The following CLVS1 variants were observed in gnomAD, a reference collection of about 807,000 sequenced individuals.
The protein encoded by CLVS1 is clavesin 1.
Under a neutral mutation model 33.1 loss-of-function variants are expected in CLVS1, and 10 were observed. The ratio of observed to expected loss-of-function variants is 0.30; its 90% CI spans 0.19 to 0.51. The LOEUF is 0.51. Among genes scored for constraint, CLVS1 ranks in the 20% least tolerant of loss-of-function variants. The pLI is 0.97. For missense variants in CLVS1, 343 were observed against 433.4 expected, an observed-to-expected ratio of 0.79 and a Z score of 1.85; for synonymous variants, 163 against 166.1, an observed-to-expected ratio of 0.98 and a Z score of 0.14.
intron 3 of CLVS1, among the ~76,000 whole-genome samples, chr8:61,424,291 T>C (rs1217120703): frequency 6.6e-6 from 1 of 152,202 alleles, no homozygotes; most frequent in African/African-American, 2.4e-5. Flanking sequence ...CTGAGGGTTG[T>C]GAGAAAAGCA....
chr8:61,116,422 G>A (rs56860120), intron 1 of CLVS1, among the ~76,000 whole-genome samples: 3,021 of 152,196 alleles, frequency 0.02, 95 homozygotes, highest in African/African-American at 0.064. Context: ...TGCTTTTGGC[G>A]TTTTAGACAG....
intron 2 of CLVS1, among the ~76,000 whole-genome samples, chr8:61,337,594 G>C (rs757728839): frequency 1.3e-5 from 2 of 152,102 alleles, no homozygotes; most frequent in Non-Finnish European, 1.5e-5. Context: ...CTGCCTTCCA[G>C]ATCGGCCCCA....
chr8:60,980,487 C>T, the CLVS1 span, among the ~76,000 whole-genome samples: 1 of 152,156 alleles, frequency 6.6e-6, no homozygotes, highest in Non-Finnish European at 1.5e-5. Flanking sequence ...ATAAATGTTA[C>T]TTTATTTGGA....
At chr8:61,338,447 G>A (rs1563503204) in intron 2 of CLVS1, among the ~76,000 whole-genome samples, 2 of 152,132 alleles carry the variant, frequency 1.3e-5, no homozygotes, top group Admixed American at 6.5e-5. Context: ...TTCTGACTCC[G>A]TAGGCACAGG....
chr8:61,185,828 C>T (rs537317151), intron 2 of CLVS1, among the ~76,000 whole-genome samples: 1 of 152,234 alleles, frequency 6.6e-6, no homozygotes, highest in South Asian at 2.1e-4. Context: ...AATAAAAACA[C>T]CTAGCTTCCA....
intron 2 of CLVS1, among the ~76,000 whole-genome samples, chr8:61,301,988 CG>C (rs1247150958): frequency 2.0e-5 from 3 of 152,172 alleles, no homozygotes; most frequent in African/African-American, 7.2e-5. Flanking sequence ...TTATGTTTCA[CG>C]GGGAGACATG....
the CLVS1 span, among the ~76,000 whole-genome samples, chr8:61,000,392 A>C: frequency 1.3e-5 from 2 of 152,186 alleles, no homozygotes; most frequent in Admixed American, 1.3e-4. Context: ...TGAGAGGCAA[A>C]GGACAGCTAA....
At chr8:61,450,943 ACTTTCGGAGCCAG>A (rs1816928567) in intron 3 of CLVS1, among the ~76,000 whole-genome samples, 1 of 152,164 alleles carries the variant, frequency 6.6e-6, no homozygotes, top group Non-Finnish European at 1.5e-5. Context: ...GAAGCATGTC[ACTTTCGGAGCCAG>A]CTTTAAGAGC....
chr8:61,066,137 G>C (rs1254539626), intron 1 of CLVS1, among the ~76,000 whole-genome samples: 1 of 152,188 alleles, frequency 6.6e-6, no homozygotes, highest in Non-Finnish European at 1.5e-5. Flanking sequence ...ACTTTGTGTT[G>C]TATCATCTAT....
chr8:61,122,776 A>C, intron 1 of CLVS1, among the ~76,000 whole-genome samples: 1 of 152,170 alleles, frequency 6.6e-6, no homozygotes, highest in East Asian at 1.9e-4. Flanking sequence ...CCAAAAGACC[A>C]AGGTGCTTTT....
intron 1 of CLVS1, among the ~76,000 whole-genome samples, chr8:61,073,485 G>T (rs1053734754): frequency 1.3e-5 from 2 of 152,106 alleles, no homozygotes; most frequent in African/African-American, 4.8e-5. Flanking sequence ...CTTCGAAAGT[G>T]GGCAGTGATT....
chr8:61,295,614 G>A (rs1585762549), intron 1 of CLVS1, among the ~76,000 whole-genome samples: 1 of 152,150 alleles, frequency 6.6e-6, no homozygotes, highest in East Asian at 1.9e-4. Flanking sequence ...GAAACTTGCA[G>A]ATGGTCACAT....
chr8:61,026,654 T>C, the CLVS1 span, among the ~76,000 whole-genome samples: 1 of 152,206 alleles, frequency 6.6e-6, no homozygotes, highest in Non-Finnish European at 1.5e-5. Flanking sequence ...TGTGGAGCGC[T>C]ACTGCCATGT....
chr8:61,179,175 A>T (rs921635862), intron 2 of CLVS1, among the ~76,000 whole-genome samples: 5 of 152,254 alleles, frequency 3.3e-5, no homozygotes, highest in Non-Finnish European at 7.3e-5. Context: ...ATGGAAAGAA[A>T]AAAAAGCAGG....
intron 3 of CLVS1, among the ~76,000 whole-genome samples, chr8:61,419,772 G>A (rs372522361): frequency 1.3e-5 from 2 of 152,254 alleles, no homozygotes; most frequent in Non-Finnish European, 2.9e-5. Context: ...CTGGCATAGC[G>A]TCCTGATTCC....
chr8:61,393,163 T>C (rs897851594), intron 3 of CLVS1, among the ~76,000 whole-genome samples: 21 of 152,148 alleles, frequency 1.4e-4, no homozygotes, highest in African/African-American at 4.6e-4. Flanking sequence ...ATTACAGGCA[T>C]GAGCCACCAC....
At chr8:61,410,072 T>TG (rs1178694867) in intron 3 of CLVS1, among the ~76,000 whole-genome samples, 20 of 150,496 alleles carry the variant, frequency 1.3e-4, no homozygotes, top group African/African-American at 4.6e-4. Flanking sequence ...AGAGGTTTTT[T>TG]TTTTTTTTTT....
At chr8:61,428,190 C>A (rs1016439457) in intron 3 of CLVS1, among the ~76,000 whole-genome samples, 5 of 152,206 alleles carry the variant, frequency 3.3e-5, no homozygotes, top group African/African-American at 1.2e-4. Context: ...CTGAGTCCAC[C>A]TGCTTAGAAG....
At chr8:61,097,901 G>T (rs889130672) in intron 1 of CLVS1, among the ~76,000 whole-genome samples, 1 of 152,170 alleles carries the variant, frequency 6.6e-6, no homozygotes, top group Non-Finnish European at 1.5e-5. Flanking sequence ...AGTGGATCTT[G>T]TTGATATCCC....
Sources: gnomAD v4.1 joint callset for allele counts (sites outside exome capture counted in the v4.1 genomes callset) on GRCh38, gnomAD v4.1.1 for gene constraint, MANE v1.5 for transcripts, NCBI Gene and HGNC (gene_info 2026-07-23, HGNC 2026-07-21) for gene names.